Variants in TCP11L2 observed in about 807,000 individuals in gnomAD.
The protein encoded by TCP11L2 is T-complex protein 11-like protein 2.
Under a neutral mutation model 50.7 loss-of-function variants are expected in TCP11L2, and 39 were observed. The ratio of observed to expected loss-of-function variants is 0.77; its 90% CI spans 0.60 to 1.01. The LOEUF is 1.01. Among genes scored for constraint, TCP11L2 ranks in the 50% least tolerant of loss-of-function variants. The pLI is 0.00. For synonymous variants in TCP11L2, 192 were observed against 219.3 expected (o/e 0.88, Z 1.10); for missense variants, 612 against 614.7 (o/e 1.00, Z 0.05).
intron 1 of TCP11L2, 93 bp from the exon 2 acceptor site, chr12:106,310,948 C>G (rs1266893188): frequency 8.6e-7 from 1 of 1,169,400 alleles, no homozygotes; most frequent in African/African-American, 1.5e-5. Context: ...CACAGTGACA[C>G]TTGTGGGGAC....
chr12:106,329,210 G>C, intron 6 of TCP11L2: 1 of 1,226,684 alleles, frequency 8.2e-7, no homozygotes, highest in South Asian at 1.3e-5. Flanking sequence ...CGAGTGCAGG[G>C]ACTGTGCTTA....
chr12:106,318,248 T>C (rs889952700), intron 3 of TCP11L2, 96 bp from the exon 4 acceptor site: 2 of 1,413,454 alleles, frequency 1.4e-6, no homozygotes, highest in Non-Finnish European at 1.9e-6. Flanking sequence ...CTGTGTTTTT[T>C]TTACATTTTA....
Position 106,346,370 on chromosome 12 carries a change from C to G in TCP11L2, c.1400C>G (p.Ala467Gly). The stretch of plus-strand genomic sequence containing the variant: ...ATGCCTCCTATGCCAGGAGGCCTAG[C>G]TGTCATTCAGCAGGAGCTAGAAGCC... ...KCMPPMPGGL[A>G]VIQQELEALG... Residue 467 changes from alanine (A) to glycine (G), a missense_variant, in exon 10 of 10, where the codon GCT becomes GGT. By Grantham distance (60) the Ala-to-Gly change is moderately conservative (BLOSUM62 0). Transcript: ENST00000299045. The G allele has an allele frequency of 6.2e-7, 1 of 1,614,154 alleles. No homozygotes were observed. The highest frequency in any genetic ancestry group is 1.1e-5 in the South Asian group (1 of 91,078).
intron 6 of TCP11L2, chr12:106,324,150 G>C (rs573231129): frequency 6.6e-6 from 1 of 152,150 alleles, no homozygotes; most frequent in South Asian, 2.1e-4. Flanking sequence ...AAGAAAAATA[G>C]GATAAAGGGA....
At chr12:106,343,595 G>A (rs1050766334) in intron 9 of TCP11L2, among the ~76,000 whole-genome samples, 2 of 151,448 alleles carry the variant, frequency 1.3e-5, no homozygotes, top group African/African-American at 2.4e-5. Context: ...TTTTTCTGTC[G>A]AATACATACT....
At chr12:106,317,502 TG>T (rs1473433065) in intron 3 of TCP11L2, among the ~76,000 whole-genome samples, 1 of 152,108 alleles carries the variant, frequency 6.6e-6, no homozygotes, top group Non-Finnish European at 1.5e-5. Context: ...GGCGACAGAG[TG>T]AGACTCTGTC....
intron 6 of TCP11L2, among the ~76,000 whole-genome samples, chr12:106,331,313 G>A (rs573398434): frequency 3.6e-4 from 52 of 146,364 alleles, no homozygotes; most frequent in Middle Eastern, 3.5e-3. Context: ...ACGCTAACTG[G>A]TATCTACAAA....
At chr12:106,298,188 G>A (rs2034375007), upstream of TCP11L2, among the ~76,000 whole-genome samples, 1 of 152,104 alleles carries the variant, frequency 6.6e-6, no homozygotes, top group East Asian at 1.9e-4. Context: ...TCAATTAATA[G>A]TCAAAACTGG....
intron 4 of TCP11L2, 85 bp downstream of exon 4, chr12:106,318,549 A>G: frequency 1.3e-6 from 2 of 1,531,630 alleles, no homozygotes; most frequent in South Asian, 1.2e-5. Context: ...GGTGGCTTAT[A>G]AACAATAGAA....
At chr12:106,329,359 G>A (rs2035667300) in intron 6 of TCP11L2, 1 of 1,536,076 alleles carries the variant, frequency 6.5e-7, no homozygotes, top group South Asian at 1.2e-5. Flanking sequence ...TGCCTCATGA[G>A]GCTGACCTTG....
chr12:106,340,981 C>T lies in TCP11L2; in HGVS notation c.1298C>T (p.Pro433Leu), dbSNP rs1477708063. The change falls in exon 9 of 10, where the codon CCT becomes CTT. Residue 433 changes from proline to leucine, a missense_variant. Transcript: ENST00000299045. The part of the protein sequence containing the change: ...QFSSIEEEDN[P>L]IWSLIDKRIK... ...TCAAGCATTGAAGAGGAGGACAATC[C>T]TATCTGGTCCTTGATTGGTGAGTCC... 4.4e-6 allele frequency: 7 copies of T among 1,604,338 alleles called. No individual in the cohort carries two copies. Among genetic ancestry groups the T allele is most frequent in the Non-Finnish European group, 5.9e-6 (7 of 1,177,340 alleles).
chr12:106,315,410 T>G (rs1193899357), intron 3 of TCP11L2, among the ~76,000 whole-genome samples: 2 of 152,182 alleles, frequency 1.3e-5, no homozygotes, highest in African/African-American at 4.8e-5. Flanking sequence ...TGCTGCCTCC[T>G]TTTTGTTAAG....
intron 2 of TCP11L2, chr12:106,312,368 A>C (rs1010526593): frequency 4.8e-6 from 6 of 1,237,166 alleles, no homozygotes; most frequent in Non-Finnish European, 6.2e-6. Flanking sequence ...GGACCAAAGT[A>C]TATAGACATT....
At chr12:106,314,234 C>A in intron 2 of TCP11L2, 124 bp from the exon 3 acceptor site, 1 of 989,872 alleles carries the variant, frequency 1.0e-6, no homozygotes, top group Non-Finnish European at 1.5e-6. Context: ...AATATATAGT[C>A]TCCTGACCTA....
chr12:106,327,609 A>C (rs755643081), intron 6 of TCP11L2, among the ~76,000 whole-genome samples: 99 of 152,344 alleles, frequency 6.5e-4, no homozygotes, highest in Middle Eastern at 3.4e-3. Context: ...ATTGCTTAGC[A>C]AGAGAAATCA....
At chr12:106,326,626 T>C (rs2035554782) in intron 6 of TCP11L2, among the ~76,000 whole-genome samples, 1 of 152,128 alleles carries the variant, frequency 6.6e-6, no homozygotes, top group African/African-American at 2.4e-5. Context: ...CACCCCCTAA[T>C]ACAACTGAGG....
At position 106,340,938 on chromosome 12, in the gene TCP11L2, A is replaced by C. The variant is rs761877135; in HGVS notation, c.1255A>C (p.Asn419His). Residue 419 changes from asparagine (N) to histidine (H), a missense_variant, in exon 9 of 10, where the codon AAT (asparagine) becomes CAT (histidine). By Grantham distance (68) the Asn-to-His change is moderately conservative. Coordinates refer to ENST00000299045, the MANE Select transcript of TCP11L2 (RefSeq NM_152772.3). The stretch of plus-strand genomic sequence containing the variant: ...CACTTTAAATGCTGAGATTCAAGCT[A>C]ATCTTATAGGTCAATTTTCAAGCAT... ...LPTLNAEIQANLIGQFSSIEE... is the reference protein window; with the variant it reads ...LPTLNAEIQAHLIGQFSSIEE... The C allele has an allele frequency of 1.2e-6, 2 of 1,613,734 alleles. No homozygotes were observed. The highest frequency in any genetic ancestry group is 1.7e-5 in the Admixed American group (1 of 59,986).
intron 1 of TCP11L2, among the ~76,000 whole-genome samples, chr12:106,310,261 A>G (rs1005648140): frequency 2.6e-5 from 4 of 152,072 alleles, no homozygotes; most frequent in African/African-American, 9.7e-5. Flanking sequence ...CTGTTCCCCC[A>G]CTTGTGAGTC....
intron 6 of TCP11L2, chr12:106,324,792 C>T (rs1038636193): frequency 4.6e-5 from 7 of 152,100 alleles, no homozygotes; most frequent in Non-Finnish European, 8.8e-5. Context: ...TTTTTGGCCT[C>T]GTACAACCGG....
Sources: gnomAD v4.1 joint callset for allele counts (sites outside exome capture counted in the v4.1 genomes callset) on GRCh38, gnomAD v4.1.1 for gene constraint, MANE v1.5 for transcripts, NCBI Gene and HGNC (gene_info 2026-07-23, HGNC 2026-07-21) for gene names.